The following MAP2K6 variants were observed in gnomAD, a reference collection of about 807,000 sequenced individuals.
The protein encoded by MAP2K6 is mitogen-activated protein kinase kinase 6, also known as dual specificity mitogen-activated protein kinase kinase 6.
In MAP2K6, 16 loss-of-function variants were observed where a neutral mutation model predicts 53.7. That is an observed-to-expected ratio of 0.30 (90% CI 0.20 to 0.45). MAP2K6 has a LOEUF of 0.45. Ranked by LOEUF, MAP2K6 falls within the 20% of genes least tolerant of loss-of-function variation. The pLI, the probability that MAP2K6 is intolerant of heterozygous loss-of-function variation, is 1.00. For synonymous variants in MAP2K6, 132 were observed against 143.1 expected (o/e 0.92, Z 0.55); for missense variants, 204 against 411.9 (o/e 0.50, Z 4.37).
chr17:69,437,452 G>A (rs1221364004), intron 1 of MAP2K6, among the ~76,000 whole-genome samples: 5 of 152,064 alleles, frequency 3.3e-5, no homozygotes, highest in African/African-American at 4.8e-5. Context: ...AGGAAGGCAG[G>A]AGAGGCAGAC....
chr17:69,442,687 T>C lies in MAP2K6; in HGVS notation c.16+27687T>C, dbSNP rs76154827. Among the ~76,000 whole-genome samples, 457 of 152,282 alleles carry C rather than the reference T, an allele frequency of 3.0e-3. 6 individuals are homozygous for C. Among genetic ancestry groups the C allele is most frequent in the African/African-American group, 0.011 (439 of 41,554 alleles). ...AGAAAGACAAACCTAGTTCCCTTTG[T>C]CCCTTTGTCTTTCAACATGCATTAC... is the stretch of plus-strand genomic sequence containing the variant. On this transcript the variant is annotated intron_variant, in intron 1 of 11. Transcript: ENST00000590474.
chr17:69,466,461 G>A (rs1005150385), intron 1 of MAP2K6, among the ~76,000 whole-genome samples: 1 of 151,998 alleles, frequency 6.6e-6, no homozygotes, highest in African/African-American at 2.4e-5. Flanking sequence ...TATGATCTCC[G>A]TTTTCCCAGA....
chr17:69,502,536 C>T, intron 1 of MAP2K6: 2 of 985,258 alleles, frequency 2.0e-6, no homozygotes, highest in Non-Finnish European at 2.4e-6. Context: ...TCTCCTGGAT[C>T]TATTTTTTTT....
intron 11 of MAP2K6, among the ~76,000 whole-genome samples, chr17:69,538,243 C>A (rs1911449649): frequency 6.6e-6 from 1 of 152,196 alleles, no homozygotes; most frequent in African/African-American, 2.4e-5. Context: ...ACTTTTTCTT[C>A]TTCCAAATGG....
rs1912039819 is a variant in MAP2K6, at chr17:69,550,264, T to TA, written c.*8514dup. The TA allele has an allele frequency of 6.6e-6, 1 of 152,180 alleles. No individual in the cohort carries two copies. The highest frequency in any genetic ancestry group is 1.5e-5 in the Non-Finnish European group (1 of 68,018). 9.4% of individuals were successfully genotyped at this position (152,180 alleles called of 1,614,324 possible). A position where few individuals can be genotyped will look rare whatever the true frequency, so the allele number is the denominator to read the frequency against. On this transcript the variant is annotated 3_prime_UTR_variant, in exon 12 of 12. Coordinates refer to ENST00000590474, the MANE Select transcript of MAP2K6 (RefSeq NM_002758.4). The stretch of plus-strand genomic sequence containing the variant: ...GGTTGAGAAAAAGGAACGATATGCC[T>TA]AAAGCATTTTGAGAATATACCCCTC...
intron 1 of MAP2K6, chr17:69,502,518 GT>G (rs1309336372): frequency 4.1e-6 from 4 of 985,282 alleles, no homozygotes; most frequent in African/African-American, 1.7e-5. Context: ...ATTCAACTAG[GT>G]TTTGTGTCTC....
intron 3 of MAP2K6, 31 bp from the exon 4 acceptor site, chr17:69,517,469 C>A: frequency 8.0e-7 from 1 of 1,250,858 alleles, no homozygotes; most frequent in Admixed American, 2.0e-5. Context: ...TTTTCTCTTT[C>A]CCATTGCATT....
At chr17:69,415,235 T>C (rs1422366985) in intron 1 of MAP2K6, among the ~76,000 whole-genome samples, 1 of 149,998 alleles carries the variant, frequency 6.7e-6, no homozygotes, top group African/African-American at 2.4e-5. Context: ...CTAGGATTAC[T>C]GAGCTCTTTT....
chr17:69,483,207 A>G (rs1908410391), intron 1 of MAP2K6, among the ~76,000 whole-genome samples: 1 of 152,090 alleles, frequency 6.6e-6, no homozygotes, highest in Non-Finnish European at 1.5e-5. Flanking sequence ...GAAAATTCTA[A>G]GGAACCCACT....
chr17:69,454,086 G>A (rs1007101113), intron 1 of MAP2K6, among the ~76,000 whole-genome samples: 9 of 152,308 alleles, frequency 5.9e-5, no homozygotes, highest in South Asian at 4.1e-4. Context: ...TCAGAAAAAC[G>A]TATTTCCTAG....
chr17:69,530,541 C>T (rs975536083), intron 10 of MAP2K6, among the ~76,000 whole-genome samples: 3 of 152,138 alleles, frequency 2.0e-5, no homozygotes, highest in Middle Eastern at 3.4e-3. Flanking sequence ...AGAAGGGAAT[C>T]GTTAATTCTG....
At chr17:69,500,732 G>GCCACT (rs1909134511) in intron 1 of MAP2K6, among the ~76,000 whole-genome samples, 3 of 151,354 alleles carry the variant, frequency 2.0e-5, no homozygotes, top group African/African-American at 7.3e-5. Context: ...CTCCAGGCTG[G>GCCACT]GTGACAGAGC....
chr17:69,517,700 C>A, intron 4 of MAP2K6, 87 bp downstream of exon 4: 2 of 766,086 alleles, frequency 2.6e-6, no homozygotes, highest in Non-Finnish European at 3.9e-6. Flanking sequence ...TTAATAGAAG[C>A]AAAACCATCT....
chr17:69,505,582 A>C lies in MAP2K6; in HGVS notation c.17-198A>C, dbSNP rs1231556005. The C allele has an allele frequency of 7.6e-6, 4 of 525,528 alleles. No homozygotes were observed. The Admixed American group carries it at 1.3e-4, about 17-fold the overall frequency. 32.6% of individuals were successfully genotyped at this position (525,528 alleles called of 1,614,324 possible). A position where few individuals can be genotyped will look rare whatever the true frequency, so the allele number is the denominator to read the frequency against. ...AATGAAAAACCTCATTCATGACCAC[A>C]GTCTGTATTTGAGAAGCTCTGTCCT... On this transcript the variant is annotated intron_variant, in intron 1 of 11. Transcript: ENST00000590474.
intron 1 of MAP2K6, among the ~76,000 whole-genome samples, chr17:69,425,422 C>T (rs1231802899): frequency 6.6e-6 from 1 of 152,088 alleles, no homozygotes; most frequent in Non-Finnish European, 1.5e-5. Flanking sequence ...AAGTGATTCT[C>T]CTGCCTCAGC....
intron 1 of MAP2K6, among the ~76,000 whole-genome samples, chr17:69,499,398 AATGACCTGCGGAGATTGTACATC>A (rs769827570): frequency 2.0e-5 from 3 of 152,198 alleles, no homozygotes; most frequent in Non-Finnish European, 4.4e-5. Context: ...CGAGTCTCTT[AATGACCTGCGGAGATTGTACATC>A]ATCTCCAGTT....
At chr17:69,422,124 ATTTTTTTTTTTTT>A (rs35694490) in intron 1 of MAP2K6, among the ~76,000 whole-genome samples, 16 of 87,390 alleles carry the variant, frequency 1.8e-4, no homozygotes, top group East Asian at 6.6e-4. Flanking sequence ...AATCATCGTA[ATTTTTTTTTTTTT>A]TTTTTTTTTT....
intron 1 of MAP2K6, chr17:69,477,438 C>T (rs912715851): frequency 6.6e-6 from 1 of 152,220 alleles, no homozygotes; most frequent in African/African-American, 2.4e-5. Context: ...AGTCTGAGGG[C>T]AGGAGTCCAG....
At chr17:69,492,433 TC>T (rs1427215539) in intron 1 of MAP2K6, among the ~76,000 whole-genome samples, 1 of 152,218 alleles carries the variant, frequency 6.6e-6, no homozygotes, top group African/African-American at 2.4e-5. Flanking sequence ...TTTGTTTTTG[TC>T]CACTTTGTCG....
Sources: gnomAD v4.1 joint callset for allele counts (sites outside exome capture counted in the v4.1 genomes callset) on GRCh38, gnomAD v4.1.1 for gene constraint, MANE v1.5 for transcripts, NCBI Gene and HGNC (gene_info 2026-07-23, HGNC 2026-07-21) for gene names.